The following FHIT variants were observed in gnomAD, a reference collection of about 807,000 sequenced individuals.
FHIT encodes the protein fragile histidine triad diadenosine triphosphatase.
In FHIT, 19 loss-of-function variants were observed where a neutral mutation model predicts 17.9. The observed-to-expected ratio is 1.06, with a 90% CI of 0.74 to 1.56. FHIT has a LOEUF of 1.56. Among genes scored for constraint, FHIT ranks in the 40% most tolerant of loss-of-function variants. The probability of loss-of-function intolerance (pLI) is 0.00; values close to 1 mark genes in which losing one functional copy is unlikely to be tolerated. For missense variants in FHIT, 248 were observed against 189.2 expected, an observed-to-expected ratio of 1.31 and a Z score of -1.82; for synonymous variants, 81 against 69.7, an observed-to-expected ratio of 1.16 and a Z score of -0.81.
At chr3:59,828,810 TTTTTTG>T (rs1195953240) in intron 8 of FHIT, among the ~76,000 whole-genome samples, 2 of 150,760 alleles carry the variant, frequency 1.3e-5, no homozygotes, top group Admixed American at 6.7e-5. Flanking sequence ...GAAGTAGAGG[TTTTTTG>T]TTTTTGTTTT....
chr3:60,352,772 A>G (rs1413330331), intron 5 of FHIT, among the ~76,000 whole-genome samples: 1 of 152,100 alleles, frequency 6.6e-6, no homozygotes, highest in Non-Finnish European at 1.5e-5. Context: ...CCTCAGCCTC[A>G]CAGGTCACTG....
At chr3:60,036,129 G>A (rs1470111632) in intron 5 of FHIT, among the ~76,000 whole-genome samples, 1 of 152,182 alleles carries the variant, frequency 6.6e-6, no homozygotes, top group African/African-American at 2.4e-5. Context: ...TAGTCATGTG[G>A]TTCCACCAAA....
chr3:59,915,030 CA>C (rs762914417), intron 8 of FHIT, among the ~76,000 whole-genome samples: 39 of 152,260 alleles, frequency 2.6e-4, no homozygotes, highest in Non-Finnish European at 5.3e-4. Flanking sequence ...GCCCATTATT[CA>C]AGCACTGTAG....
chr3:60,982,031 C>T (rs1246084248), intron 3 of FHIT, among the ~76,000 whole-genome samples: 1 of 152,230 alleles, frequency 6.6e-6, no homozygotes, highest in Non-Finnish European at 1.5e-5. Flanking sequence ...CTTACCTGGG[C>T]CTCTACCACA....
chr3:60,071,327 G>C (rs905844770), intron 5 of FHIT, among the ~76,000 whole-genome samples: 1 of 152,170 alleles, frequency 6.6e-6, no homozygotes, highest in Non-Finnish European at 1.5e-5. Context: ...GATATATCGA[G>C]TTTTAACAAC....
intron 5 of FHIT, among the ~76,000 whole-genome samples, chr3:60,326,310 C>G (rs986473734): frequency 1.3e-5 from 2 of 152,106 alleles, no homozygotes; most frequent in African/African-American, 4.8e-5. Flanking sequence ...ATTCTTGTGA[C>G]TAGCTGGTCC....
At chr3:60,647,608 A>G (rs2039891612) in intron 4 of FHIT, among the ~76,000 whole-genome samples, 1 of 152,196 alleles carries the variant, frequency 6.6e-6, no homozygotes, top group Non-Finnish European at 1.5e-5. Context: ...CCTGCTCAAA[A>G]TAACAAGGGC....
Position 60,062,530 on chromosome 3 carries a change from G to A in FHIT, c.104-48378C>T, listed in dbSNP as rs569209846. Among the ~76,000 whole-genome samples, 8 of 152,260 alleles carry A rather than the reference G, an allele frequency of 5.3e-5. 1 individual carries two copies. The highest frequency in any genetic ancestry group is 1.9e-4 in the African/African-American group (8 of 41,552). ...ACTTAAGTTGCTTGTATTACACAAT[G>A]AGTAAATGGTAGGGCCTGAATTTAA... On this transcript the variant is annotated intron_variant, in intron 5 of 9. Transcript: ENST00000492590.
chr3:60,685,789 A>C (rs1387601100), intron 4 of FHIT, among the ~76,000 whole-genome samples: 1 of 152,206 alleles, frequency 6.6e-6, no homozygotes, highest in Non-Finnish European at 1.5e-5. Context: ...TTGTCATTGA[A>C]ATTACATCTA....
chr3:60,496,212 A>G (rs1376630756), intron 5 of FHIT, among the ~76,000 whole-genome samples: 2 of 152,064 alleles, frequency 1.3e-5, no homozygotes, highest in Admixed American at 6.6e-5. Context: ...ATGGAAACCC[A>G]CTAAGATTCC....
At chr3:59,762,897 G>C (rs150423913) in intron 8 of FHIT, among the ~76,000 whole-genome samples, 1 of 152,170 alleles carries the variant, frequency 6.6e-6, no homozygotes, top group East Asian at 1.9e-4. Flanking sequence ...ATTTCCTCAG[G>C]CCTCTGTTTC....
chr3:60,872,200 A>C (rs1188913341), intron 3 of FHIT, among the ~76,000 whole-genome samples: 1 of 152,084 alleles, frequency 6.6e-6, no homozygotes, highest in African/African-American at 2.4e-5. Context: ...ATTCCATGCT[A>C]TGAGGAAATG....
chr3:60,217,577 C>A (rs1222387975), intron 5 of FHIT, among the ~76,000 whole-genome samples: 2 of 152,142 alleles, frequency 1.3e-5, no homozygotes, highest in East Asian at 3.8e-4. Context: ...CAGTGGTCCC[C>A]CTTCCTTGTA....
chr3:60,692,504 T>C (rs1167125309), intron 4 of FHIT, among the ~76,000 whole-genome samples: 2 of 152,002 alleles, frequency 1.3e-5, no homozygotes, highest in East Asian at 1.9e-4. Context: ...AGCAATGCAA[T>C]AGGAAAAAGA....
intron 5 of FHIT, among the ~76,000 whole-genome samples, chr3:60,516,939 A>T (rs1034795047): frequency 6.6e-6 from 1 of 152,202 alleles, no homozygotes; most frequent in Admixed American, 6.5e-5. Context: ...CATGGGAGCT[A>T]AGAAAACATA....
chr3:60,460,950 G>C (rs2032422582), intron 5 of FHIT, among the ~76,000 whole-genome samples: 1 of 152,002 alleles, frequency 6.6e-6, no homozygotes, highest in Non-Finnish European at 1.5e-5. Context: ...CCCAAACTTA[G>C]GAATCTATTT....
chr3:60,196,559 C>A (rs1702648652), intron 5 of FHIT, among the ~76,000 whole-genome samples: 1 of 152,116 alleles, frequency 6.6e-6, no homozygotes, highest in South Asian at 2.1e-4. Flanking sequence ...GTAACATTCA[C>A]AGGTGTTGGG....
chr3:60,738,944 GCTCCAGGAGCAGA>G (rs1429828023), intron 4 of FHIT, among the ~76,000 whole-genome samples: 1 of 152,096 alleles, frequency 6.6e-6, no homozygotes, highest in Non-Finnish European at 1.5e-5. Flanking sequence ...CGGACCCCAG[GCTCCAGGAGCAGA>G]CAAGGAGAAG....
At chr3:60,822,228 T>G in intron 3 of FHIT, among the ~76,000 whole-genome samples, 1 of 152,184 alleles carries the variant, frequency 6.6e-6, no homozygotes, top group Non-Finnish European at 1.5e-5. Flanking sequence ...GGTTCATACA[T>G]GATCACACAA....
Sources: allele counts gnomAD v4.1 joint callset (sites outside exome capture counted in the v4.1 genomes callset), GRCh38; gene constraint gnomAD v4.1.1; transcripts MANE v1.5; gene names NCBI Gene and HGNC (gene_info 2026-07-23, HGNC 2026-07-21).